Variants in LARS1 observed in about 807,000 individuals in gnomAD.
LARS1 encodes leucyl-tRNA synthetase 1, also known as leucine--tRNA ligase, cytoplasmic.
A neutral mutation model predicts 162.8 loss-of-function variants in LARS1; 100 were observed. The ratio of observed to expected loss-of-function variants is 0.61; its 90% CI spans 0.52 to 0.73. The LOEUF is 0.73. Among genes scored for constraint, LARS1 ranks in the 30% least tolerant of loss-of-function variants. LARS1 has a pLI of 0.00. For synonymous variants in LARS1, 457 were observed against 462.8 expected (o/e 0.99, Z 0.16); for missense variants, 1,258 against 1,408.9 (o/e 0.89, Z 1.71).
At chr5:146,131,486 G>GGTTTTTTTTTTT (rs1561802916) in intron 23 of LARS1, 2 of 119,458 alleles carry the variant, frequency 1.7e-5, no homozygotes, top group Non-Finnish European at 1.7e-5. Flanking sequence ...TTGTAGCCAA[G>GGTTTTTTTTTTT]TTTTTTTTTT....
rs1166914721 is a variant in LARS1 at position 146,149,583 on chromosome 5, T to G, written c.1503+39A>C. ...TAACACTGTCAAGTCTATTAACAGC[T>G]CTTCTAAAACAGCCTTCAGAGCATA... On this transcript the variant is annotated intron_variant, in intron 15 of 31. Transcript: ENST00000394434. 3.6e-6 allele frequency: 5 copies of G among 1,394,964 alleles called. No homozygotes were observed. The African/African-American group carries it at 5.7e-5, about 16-fold the overall frequency. The allele number at this position is 1,394,964 out of a possible 1,614,324, so 86.4% of individuals were successfully genotyped here.
chr5:146,121,383 C>G (rs1751811768), intron 30 of LARS1, among the ~76,000 whole-genome samples: 1 of 152,134 alleles, frequency 6.6e-6, no homozygotes, highest in African/African-American at 2.4e-5. Flanking sequence ...TGCTGCCAAT[C>G]TGAATGGATT....
chr5:146,151,632 C>G (rs1753293085), intron 14 of LARS1, among the ~76,000 whole-genome samples: 1 of 152,118 alleles, frequency 6.6e-6, no homozygotes, highest in Admixed American at 6.6e-5. Flanking sequence ...GAAATTCACT[C>G]CATAGAGATT....
chr5:146,140,084 G>T, intron 21 of LARS1, 120 bp downstream of exon 21: 1 of 758,048 alleles, frequency 1.3e-6, no homozygotes, highest in East Asian at 2.8e-5. Flanking sequence ...TGGAATTACA[G>T]GCATGAGGCA....
At position 146,172,673 on chromosome 5, in the gene LARS1, T is replaced by C. The variant is rs201306835; in HGVS notation, c.213+14A>G. 9 of 1,490,638 alleles carry C rather than the reference T, an allele frequency of 6.0e-6. No homozygotes were observed. Among genetic ancestry groups the C allele is most frequent in the African/African-American group, 1.4e-5 (1 of 70,672 alleles). 92.3% of individuals were successfully genotyped at this position (1,490,638 alleles called of 1,614,324 possible). A position where few individuals can be genotyped will look rare whatever the true frequency, so the allele number is the denominator to read the frequency against. ...ACCTTCCTCCCCATTATAGCAAACA[T>C]AGGGAAACATTACCTCACATTTGGA... On this transcript the variant is annotated intron_variant, in intron 3 of 31. Transcript: ENST00000394434.
chr5:146,119,701 G>A (rs999417169), intron 31 of LARS1, among the ~76,000 whole-genome samples: 1 of 152,082 alleles, frequency 6.6e-6, no homozygotes, highest in African/African-American at 2.4e-5. Flanking sequence ...CACAAAAGAT[G>A]CAGACTTATT....
At chr5:146,154,916 T>C (rs145903171) in intron 10 of LARS1, among the ~76,000 whole-genome samples, 33,797 of 151,952 alleles carry the variant, frequency 0.22, 4,815 homozygotes, top group Admixed American at 0.34. Context: ...TGCAATGGCA[T>C]GATCTCGGCT....
chr5:146,130,576 T>C (rs1265006896), intron 24 of LARS1: 1 of 183,980 alleles, frequency 5.4e-6, no homozygotes, highest in Non-Finnish European at 1.1e-5. Flanking sequence ...TGTGATATTT[T>C]ACACAGCTCA....
intron 15 of LARS1, among the ~76,000 whole-genome samples, chr5:146,147,546 G>T (rs767743611): frequency 6.6e-6 from 1 of 151,834 alleles, no homozygotes. Flanking sequence ...TTTTCCATAC[G>T]ATTCTTTAAA....
At position 146,144,276 on chromosome 5, in the gene LARS1, A is replaced by C. The variant is rs1196193257; in HGVS notation, c.1729T>G (p.Tyr577Asp). The C allele has an allele frequency of 6.2e-7, 1 of 1,608,500 alleles. No individual in the cohort carries two copies. Among genetic ancestry groups the C allele is most frequent in the Admixed American group, 1.7e-5 (1 of 58,380 alleles). ...WLQEHACSRT[Y>D]GLGTHLPWDE... is the part of the protein sequence containing the mutation. Reference sequence around the variant, plus strand: ...TTTCAAGTTTGTTTACCTAGACCATAAGTTCTTGAGCAAGCATGTTCTTGT... The same window carrying C: ...TTTCAAGTTTGTTTACCTAGACCATCAGTTCTTGAGCAAGCATGTTCTTGT... Residue 577 changes from tyrosine (Y) to aspartate (D), a missense_variant, in exon 18 of 32, where the codon TAT becomes GAT. Coordinates refer to ENST00000394434, the MANE Select transcript of LARS1 (RefSeq NM_020117.11).
chr5:146,120,518 A>G lies in LARS1; in HGVS notation c.3193-15T>C. 1 of 1,606,602 alleles carries G rather than the reference A, an allele frequency of 6.2e-7. No homozygotes were observed. Among genetic ancestry groups the G allele is most frequent in the Non-Finnish European group, 8.5e-7 (1 of 1,177,312 alleles). On this transcript the variant is annotated splice_polypyrimidine_tract_variant and intron_variant, in intron 30 of 31. Coordinates refer to ENST00000394434, the MANE Select transcript of LARS1 (RefSeq NM_020117.11). ...GACACACCAGGCTAGGAAAACAACA[A>G]GAAAATGATTGTTTAACTTGAATAC...
chr5:146,177,777 T>A, intron 1 of LARS1, 112 bp from the exon 2 acceptor site: 1 of 451,536 alleles, frequency 2.2e-6, no homozygotes, highest in Non-Finnish European at 4.0e-6. Context: ...TTTTCCATGG[T>A]TATCTTGAAA....
chr5:146,131,462 T>C (rs1039575853), intron 23 of LARS1: 1 of 155,446 alleles, frequency 6.4e-6, no homozygotes, highest in Non-Finnish European at 1.4e-5. Context: ...AACATGAAAA[T>C]AGCCTAACTA....
intron 31 of LARS1, among the ~76,000 whole-genome samples, chr5:146,115,437 G>A (rs757086190): frequency 2.6e-5 from 4 of 151,984 alleles, no homozygotes; most frequent in Non-Finnish European, 2.9e-5. Flanking sequence ...ACAAGTTGAT[G>A]AGACAAGGAG....
intron 22 of LARS1, 137 bp downstream of exon 22, chr5:146,135,464 C>T (rs1752462672): frequency 4.8e-6 from 3 of 626,018 alleles, no homozygotes; most frequent in Non-Finnish European, 8.3e-6. Context: ...GTTGCTCATC[C>T]ACAAAGGAAA....
rs1162278938 is a variant in LARS1 at position 146,128,785 on chromosome 5, A to G, written c.2770-3T>C. 6.3e-7 allele frequency: 1 copy of G among 1,596,020 alleles called. No homozygotes were observed. Among genetic ancestry groups the G allele is most frequent in the South Asian group, 1.1e-5 (1 of 87,654 alleles). On this transcript the variant is annotated splice_region_variant and splice_polypyrimidine_tract_variant and intron_variant, in intron 26 of 31. Coordinates refer to ENST00000394434, the MANE Select transcript of LARS1 (RefSeq NM_020117.11). ...TGCAGGGGTTGTTTGTCAGTCTTCT[A>G]GACGGTAAAAGAAAGGAAAAACATT...
chr5:146,168,492 C>T (rs12521535), intron 4 of LARS1, among the ~76,000 whole-genome samples: 2 of 151,998 alleles, frequency 1.3e-5, no homozygotes, highest in South Asian at 2.1e-4. Flanking sequence ...GTCAGGAGTT[C>T]GAGACCAGCC....
chr5:146,151,917 C>A lies in LARS1; in HGVS notation c.1370G>T (p.Arg457Leu). 6.2e-7 allele frequency: 1 copy of A among 1,614,028 alleles called. No homozygotes were observed. Among genetic ancestry groups the A allele is most frequent in the Non-Finnish European group, 8.5e-7 (1 of 1,179,980 alleles). The change falls in exon 14 of 32, where the codon CGG (arginine) becomes CTG (leucine). Residue 457 changes from arginine (R) to leucine (L), a missense_variant. By Grantham distance (102) the Arg-to-Leu change is moderately radical (BLOSUM62 -2). Coordinates refer to ENST00000394434, the MANE Select transcript of LARS1 (RefSeq NM_020117.11). ...CTCCTTTGCTTCTGCAAGTTTTTCC[C>A]GGTCATTCTGGCTCTGAATTTTCAA... ...DELKIQSQND[R>L]EKLAEAKEKI...
intron 1 of LARS1, among the ~76,000 whole-genome samples, chr5:146,181,852 T>C (rs1028436995): frequency 3.5e-5 from 2 of 57,182 alleles, no homozygotes; most frequent in African/African-American, 1.3e-4. Context: ...TTTTTTCTTT[T>C]TTTTTTTTTT....
Sources: gnomAD v4.1 joint callset for allele counts (sites outside exome capture counted in the v4.1 genomes callset) on GRCh38, gnomAD v4.1.1 for gene constraint, MANE v1.5 for transcripts, NCBI Gene and HGNC (gene_info 2026-07-23, HGNC 2026-07-21) for gene names.